The following MATN2 variants were observed in gnomAD, a reference collection of about 807,000 sequenced individuals.
The protein encoded by MATN2 is matrilin 2.
A neutral mutation model predicts 103.2 loss-of-function variants in MATN2; 69 were observed. The observed-to-expected ratio is 0.67, with a 90% confidence interval of 0.55 to 0.82. The LOEUF is 0.82. Among genes scored for constraint, MATN2 ranks in the 40% least tolerant of loss-of-function variants. The pLI is 0.00. For missense variants in MATN2, 1,023 were observed against 1,211.5 expected (o/e 0.84, Z 2.31); for synonymous variants, 429 against 450.2 (o/e 0.95, Z 0.60).
intron 7 of MATN2, among the ~76,000 whole-genome samples, chr8:98,002,485 G>A (rs1010684851): frequency 6.6e-6 from 1 of 152,208 alleles, no homozygotes; most frequent in Non-Finnish European, 1.5e-5. Flanking sequence ...TGTCACTGTA[G>A]ACAGAAGCTC....
chr8:97,950,475 G>T (rs1222242084), intron 4 of MATN2, among the ~76,000 whole-genome samples: 1 of 152,070 alleles, frequency 6.6e-6, no homozygotes, highest in Non-Finnish European at 1.5e-5. Flanking sequence ...TCACTCATCC[G>T]CTCATTCATT....
intron 3 of MATN2, among the ~76,000 whole-genome samples, chr8:97,932,531 T>C (rs1810232875): frequency 6.6e-6 from 1 of 152,192 alleles, no homozygotes; most frequent in African/African-American, 2.4e-5. Context: ...CTCTTTTGCT[T>C]TCTAACCCTC....
At chr8:97,998,605 T>C (rs1291195608) in intron 7 of MATN2, among the ~76,000 whole-genome samples, 1 of 149,706 alleles carries the variant, frequency 6.7e-6, no homozygotes, top group East Asian at 1.9e-4. Context: ...CTTTTTATAT[T>C]TTTATTGTAT....
chr8:98,035,833 C>G lies in MATN2; in HGVS notation c.*121C>G, dbSNP rs182693939. On this transcript the variant is annotated 3_prime_UTR_variant, in exon 19 of 19. Coordinates refer to ENST00000254898, the MANE Select transcript of MATN2 (RefSeq NM_002380.5). ...ATGTTGTGAAGTAAAACAATCAGTACTGAGAAACCTGGTTTGCCACAGAAC... is the reference window on the plus strand; with the variant it reads ...ATGTTGTGAAGTAAAACAATCAGTAGTGAGAAACCTGGTTTGCCACAGAAC... The G allele has an allele frequency of 7.8e-6, 4 of 513,974 alleles. No individual in the cohort carries two copies. The highest frequency in any genetic ancestry group is 1.0e-5 in the Non-Finnish European group (3 of 296,236). 31.8% of individuals were successfully genotyped at this position (513,974 alleles called of 1,614,324 possible). A position where few individuals can be genotyped will look rare whatever the true frequency, so the allele number is the denominator to read the frequency against.
Position 97,992,745 on chromosome 8 carries a change from C to CAAAAAAAAA in MATN2, c.1082-1718_1082-1710dup, listed in dbSNP as rs58985201. Among the ~76,000 whole-genome samples, 97 of 49,568 alleles carry CAAAAAAAAA rather than the reference C, an allele frequency of 2.0e-3. 11 individuals are homozygous for CAAAAAAAAA. The highest frequency in any genetic ancestry group is 8.6e-3 in the African/African-American group (95 of 11,010). 32.5% of individuals were successfully genotyped at this position (49,568 alleles called of 152,430 possible). On this transcript the variant is annotated intron_variant, in intron 6 of 18. Transcript: ENST00000254898. ...TGGGTGTTAGAGTGAGACTCCATCT[C>CAAAAAAAAA]AAAAAAAAAAAAAAAAAAAAAAAAA... is the stretch of plus-strand genomic sequence containing the variant.
chr8:97,994,451 C>T (rs374786549), intron 6 of MATN2, 29 bp from the exon 7 acceptor site: 4 of 1,589,670 alleles, frequency 2.5e-6, no homozygotes, highest in African/African-American at 1.4e-5. Flanking sequence ...GATTGGTTTG[C>T]CATTCTTGTG....
At chr8:98,027,956 A>C in intron 14 of MATN2, 127 bp downstream of exon 14, 1 of 909,670 alleles carries the variant, frequency 1.1e-6, no homozygotes, top group Non-Finnish European at 1.6e-6. Flanking sequence ...GGCAACTGCC[A>C]TTATACATCT....
At chr8:97,961,810 G>A (rs946382725) in intron 5 of MATN2, among the ~76,000 whole-genome samples, 46 of 152,138 alleles carry the variant, frequency 3.0e-4, no homozygotes, top group African/African-American at 1.1e-3. Flanking sequence ...GAAAAGGATC[G>A]GGTGGATTTT....
At chr8:97,972,493 C>G (rs1375371304) in intron 5 of MATN2, among the ~76,000 whole-genome samples, 1 of 152,116 alleles carries the variant, frequency 6.6e-6, no homozygotes, top group Admixed American at 6.6e-5. Context: ...TAAATTGGTT[C>G]TACCATTTCT....
intron 2 of MATN2, among the ~76,000 whole-genome samples, chr8:97,920,632 G>T (rs1292262726): frequency 6.6e-6 from 1 of 152,196 alleles, no homozygotes; most frequent in Non-Finnish European, 1.5e-5. Flanking sequence ...TTTTTGTCAG[G>T]AGAGTCTCTC....
At chr8:97,980,368 T>C (rs530338295) in intron 6 of MATN2, among the ~76,000 whole-genome samples, 5 of 152,100 alleles carry the variant, frequency 3.3e-5, no homozygotes, top group Non-Finnish European at 7.4e-5. Flanking sequence ...TGGGGAGTTG[T>C]GGTTGTTGGG....
chr8:97,933,118 G>C (rs2130151330), intron 3 of MATN2, among the ~76,000 whole-genome samples: 1 of 152,294 alleles, frequency 6.6e-6, no homozygotes, highest in Middle Eastern at 3.4e-3. Context: ...CTTGACTCCG[G>C]AATCAAAAGA....
intron 2 of MATN2, among the ~76,000 whole-genome samples, chr8:97,891,379 C>G (rs559435106): frequency 6.6e-6 from 1 of 151,934 alleles, no homozygotes; most frequent in African/African-American, 2.4e-5. Context: ...TCACTGTCTC[C>G]CAGGCTGGAG....
At chr8:97,890,866 G>T in intron 2 of MATN2, among the ~76,000 whole-genome samples, 1 of 152,108 alleles carries the variant, frequency 6.6e-6, no homozygotes. Context: ...TTGTTTCTTA[G>T]GTTAATTTTT....
rs1819219364 is a variant in MATN2, at chr8:97,907,515, G to A, written c.142+19273G>A. On this transcript the variant is annotated intron_variant, in intron 2 of 18. Transcript: ENST00000254898. ...TTTTTTGTATTTTTAGTAGAGATGG[G>A]GTTTCACTGTGTTAGCCAGGATGGC... Among the ~76,000 whole-genome samples, 3 of 150,586 alleles carry A rather than the reference G, an allele frequency of 2.0e-5. No homozygotes were observed. The South Asian group carries it at 6.3e-4, about 32-fold the overall frequency.
chr8:97,870,684 A>ACC (rs1380437316), intron 1 of MATN2, among the ~76,000 whole-genome samples: 4 of 152,216 alleles, frequency 2.6e-5, no homozygotes, highest in Admixed American at 2.0e-4. Context: ...CTCCATGGGT[A>ACC]CGTGAGGGTG....
intron 6 of MATN2, among the ~76,000 whole-genome samples, chr8:97,981,616 G>A (rs895245530): frequency 6.6e-6 from 1 of 152,196 alleles, no homozygotes; most frequent in Non-Finnish European, 1.5e-5. Flanking sequence ...GGAGTTAGAG[G>A]AAGGAGACCA....
chr8:97,907,867 C>G (rs1440716140), intron 2 of MATN2, among the ~76,000 whole-genome samples: 2 of 152,122 alleles, frequency 1.3e-5, no homozygotes, highest in Non-Finnish European at 2.9e-5. Flanking sequence ...TATTAAAAGT[C>G]ACTTTGACGC....
intron 4 of MATN2, chr8:97,950,811 CA>C (rs1283336768): frequency 6.6e-6 from 1 of 152,238 alleles, no homozygotes; most frequent in East Asian, 1.9e-4. Flanking sequence ...GTTTTCAGGG[CA>C]AACAGATGCG....
Sources: gnomAD v4.1 joint callset for allele counts (sites outside exome capture counted in the v4.1 genomes callset) on GRCh38, gnomAD v4.1.1 for gene constraint, MANE v1.5 for transcripts, NCBI Gene and HGNC (gene_info 2026-07-23, HGNC 2026-07-21) for gene names.